The following CSGALNACT1 variants were observed in gnomAD, a reference collection of about 807,000 sequenced individuals.
The protein encoded by CSGALNACT1 is chondroitin sulfate N-acetylgalactosaminyltransferase 1, also known as beta4GalNAcT-1.
In CSGALNACT1, 52 loss-of-function variants were observed where a neutral mutation model predicts 51.0. That is an observed-to-expected ratio of 1.02 (90% CI 0.82 to 1.29). CSGALNACT1 has a LOEUF of 1.29. Ranked by LOEUF, CSGALNACT1 falls within the 50% of genes most tolerant of loss-of-function variation. CSGALNACT1 has a pLI of 0.00. For missense variants in CSGALNACT1, 935 were observed against 679.2 expected (o/e 1.38, Z -4.19); for synonymous variants, 341 against 254.4 (o/e 1.34, Z -3.24).
At chr8:19,724,404 T>C (rs2063285011) in intron 1 of CSGALNACT1, among the ~76,000 whole-genome samples, 1 of 152,204 alleles carries the variant, frequency 6.6e-6, no homozygotes, top group Non-Finnish European at 1.5e-5. Context: ...TGAATCCATC[T>C]CCAAAGCCAG....
chr8:19,608,078 T>G (rs2051650638), intron 1 of CSGALNACT1, among the ~76,000 whole-genome samples: 1 of 152,178 alleles, frequency 6.6e-6, no homozygotes, highest in South Asian at 2.1e-4. Flanking sequence ...AGAACAACCA[T>G]GGTTACTTCA....
In CSGALNACT1 at chr8:19,696,877, G is replaced by T. The variant is rs1226372077; in HGVS notation, c.-297+60973C>A. Among the ~76,000 whole-genome samples the T allele has an allele frequency of 2.6e-5, 4 of 152,148 alleles. No homozygotes were observed. The East Asian group carries it at 7.7e-4, about 29-fold the overall frequency. On this transcript the variant is annotated intron_variant, in intron 1 of 1. Coordinates refer to the CSGALNACT1 transcript ENST00000517494. ...ACGCTGAGTGGGCATTTCCCAGAAA[G>T]ACAAGTATAGGCAGAGCCTCCCAGG... is the stretch of plus-strand genomic sequence containing the variant.
At chr8:19,684,712 G>A (rs2060875567), upstream of CSGALNACT1, among the ~76,000 whole-genome samples, 1 of 152,128 alleles carries the variant, frequency 6.6e-6, no homozygotes, top group South Asian at 2.1e-4. Context: ...GTTCTGGAAA[G>A]GGAAGAAAAG....
intron 6 of CSGALNACT1, among the ~76,000 whole-genome samples, chr8:19,438,197 C>CGGGGG (rs913808381): frequency 6.8e-6 from 1 of 146,238 alleles, no homozygotes; most frequent in Non-Finnish European, 1.5e-5. Flanking sequence ...GGGCGGGGGT[C>CGGGGG]GGGGGGCAGC....
At chr8:19,522,702 A>AAGTGG (rs1241922603) in intron 3 of CSGALNACT1, among the ~76,000 whole-genome samples, 9 of 152,214 alleles carry the variant, frequency 5.9e-5, no homozygotes, top group African/African-American at 2.2e-4. Context: ...GTCACTCTTC[A>AAGTGG]AGTGGCAGCA....
chr8:19,613,695 T>C (rs1018131186), intron 1 of CSGALNACT1, among the ~76,000 whole-genome samples: 1 of 152,242 alleles, frequency 6.6e-6, no homozygotes, highest in Non-Finnish European at 1.5e-5. Context: ...AAGACCATAA[T>C]CAGCCCCTGT....
intron 4 of CSGALNACT1, among the ~76,000 whole-genome samples, chr8:19,471,450 T>G (rs542124136): frequency 1.5e-3 from 222 of 152,286 alleles, no homozygotes; most frequent in Non-Finnish European, 2.4e-3. Context: ...AAGTGAATGT[T>G]CCTTTCGTTC....
At chr8:19,414,059 C>T (rs751358952) in intron 8 of CSGALNACT1, among the ~76,000 whole-genome samples, 1 of 152,210 alleles carries the variant, frequency 6.6e-6, no homozygotes, top group Non-Finnish European at 1.5e-5. Flanking sequence ...CTCTTCCCAA[C>T]CTTGTGTTCA....
intron 1 of CSGALNACT1, among the ~76,000 whole-genome samples, chr8:19,642,468 G>A (rs577609815): frequency 5.3e-5 from 8 of 152,080 alleles, no homozygotes; most frequent in Non-Finnish European, 1.2e-4. Flanking sequence ...ATGATGAAGT[G>A]ATGACAAAAG....
At chr8:19,691,222 C>T (rs2061298596) in intron 1 of CSGALNACT1, among the ~76,000 whole-genome samples, 2 of 152,172 alleles carry the variant, frequency 1.3e-5, no homozygotes, top group South Asian at 4.1e-4. Flanking sequence ...CTCCAGGCAG[C>T]AGGTGGTGAG....
At chr8:19,529,908 T>C (rs192952591) in intron 3 of CSGALNACT1, among the ~76,000 whole-genome samples, 1 of 152,346 alleles carries the variant, frequency 6.6e-6, no homozygotes, top group East Asian at 1.9e-4. Flanking sequence ...TTTACAATTA[T>C]TTCTCATATT....
intron 4 of CSGALNACT1, among the ~76,000 whole-genome samples, chr8:19,499,330 C>A (rs1029731753): frequency 6.6e-6 from 1 of 152,036 alleles, no homozygotes; most frequent in Non-Finnish European, 1.5e-5. Flanking sequence ...ACCACCAGAC[C>A]GCAAAATTCT....
intron 1 of CSGALNACT1, among the ~76,000 whole-genome samples, chr8:19,666,892 AG>A (rs1564384443): frequency 8.8e-5 from 12 of 136,216 alleles, no homozygotes; most frequent in African/African-American, 1.7e-4. Flanking sequence ...AAAGAGAGAG[AG>A]GAAGTGAGGA....
intron 3 of CSGALNACT1, among the ~76,000 whole-genome samples, chr8:19,544,415 G>T (rs1047063154): frequency 9.2e-5 from 14 of 152,182 alleles, no homozygotes; most frequent in African/African-American, 3.4e-4. Context: ...TACTAAACAT[G>T]AAACTTAGAT....
chr8:19,490,156 C>T (rs1386853835), intron 4 of CSGALNACT1, among the ~76,000 whole-genome samples: 2 of 152,192 alleles, frequency 1.3e-5, no homozygotes, highest in African/African-American at 4.8e-5. Flanking sequence ...GACTTCCCAG[C>T]TCCTCTTTAA....
intron 5 of CSGALNACT1, among the ~76,000 whole-genome samples, chr8:19,444,199 A>G (rs2061758149): frequency 6.6e-6 from 1 of 152,230 alleles, no homozygotes; most frequent in African/African-American, 2.4e-5. Context: ...GATATAACCT[A>G]CATACATCCT....
intron 2 of CSGALNACT1, among the ~76,000 whole-genome samples, chr8:19,594,777 C>T (rs368434936): frequency 6.6e-6 from 1 of 152,008 alleles, no homozygotes; most frequent in Middle Eastern, 3.4e-3. Context: ...GTCTCGAACT[C>T]CTGACCTCAG....
chr8:19,497,569 C>T (rs777455248), intron 4 of CSGALNACT1, among the ~76,000 whole-genome samples: 24 of 152,092 alleles, frequency 1.6e-4, no homozygotes, highest in Admixed American at 8.5e-4. Flanking sequence ...ATGTTAAAGG[C>T]TCTAATGGAA....
intron 4 of CSGALNACT1, among the ~76,000 whole-genome samples, chr8:19,488,435 T>G (rs2073600657): frequency 6.9e-6 from 1 of 145,440 alleles, no homozygotes; most frequent in African/African-American, 2.5e-5. Flanking sequence ...GAATTCTAAC[T>G]TTGTAAAGAG....
Sources: allele counts gnomAD v4.1 joint callset (sites outside exome capture counted in the v4.1 genomes callset), GRCh38; gene constraint gnomAD v4.1.1; transcripts MANE v1.5; gene names NCBI Gene and HGNC (gene_info 2026-07-23, HGNC 2026-07-21).